Variants in LRRC1 observed in about 807,000 individuals in gnomAD.
The protein encoded by LRRC1 is leucine-rich repeat-containing protein 1.
Under a neutral mutation model 69.9 loss-of-function variants are expected in LRRC1, and 28 were observed. The ratio of observed to expected loss-of-function variants is 0.40; its 90% CI spans 0.30 to 0.55. LRRC1 has a LOEUF of 0.55. Ranked by LOEUF, LRRC1 falls within the 20% of genes least tolerant of loss-of-function variation. LRRC1 has a pLI of 0.47. For missense variants in LRRC1, 498 were observed against 609.0 expected (o/e 0.82, Z 1.92); for synonymous variants, 236 against 240.2 (o/e 0.98, Z 0.16).
intron 2 of LRRC1, among the ~76,000 whole-genome samples, chr6:53,851,698 A>G (rs7739668): frequency 6.6e-6 from 1 of 152,150 alleles, no homozygotes; most frequent in South Asian, 2.1e-4. Flanking sequence ...GTAAACATAG[A>G]TACCACAGAC....
chr6:53,819,347 G>A (rs1184999844), intron 1 of LRRC1, among the ~76,000 whole-genome samples: 1 of 152,110 alleles, frequency 6.6e-6, no homozygotes, highest in African/African-American at 2.4e-5. Flanking sequence ...GAACTAGGAG[G>A]AGGAGGAGGT....
At chr6:53,899,719 C>T (rs757488621) in intron 7 of LRRC1, 28 bp from the exon 8 acceptor site, 16 of 1,609,132 alleles carry the variant, frequency 9.9e-6, no homozygotes, top group South Asian at 3.3e-5. Flanking sequence ...TTTAAGTGTG[C>T]GTTTATTTTT....
chr6:53,895,998 A>T (rs887553138), intron 4 of LRRC1, among the ~76,000 whole-genome samples: 1 of 152,228 alleles, frequency 6.6e-6, no homozygotes, highest in African/African-American at 2.4e-5. Context: ...GATCATAAGT[A>T]GATCAACTTG....
chr6:53,894,079 T>C (rs948599004), intron 4 of LRRC1, among the ~76,000 whole-genome samples: 2 of 152,234 alleles, frequency 1.3e-5, no homozygotes, highest in African/African-American at 4.8e-5. Flanking sequence ...GAGGTGTTTT[T>C]AAAATTTAAA....
chr6:53,815,041 A>G (rs1764911183), intron 1 of LRRC1, among the ~76,000 whole-genome samples: 1 of 149,662 alleles, frequency 6.7e-6, no homozygotes, highest in Non-Finnish European at 1.5e-5. Context: ...AGTCGTTTGG[A>G]CTGATTCTTT....
At chr6:53,869,836 G>A (rs1234085992) in intron 2 of LRRC1, among the ~76,000 whole-genome samples, 2 of 152,230 alleles carry the variant, frequency 1.3e-5, no homozygotes, top group African/African-American at 4.8e-5. Flanking sequence ...GGAATTCAAG[G>A]AAAGTGCCCC....
chr6:53,894,853 G>A lies in LRRC1; in HGVS notation c.447-1645G>A, dbSNP rs547962198. ...CAAGAGAAAGTAGAACTAGAGAACT[G>A]CAACTCCGCACCAAGTTACATTTGA... On this transcript the variant is annotated intron_variant, in intron 4 of 13. Coordinates refer to ENST00000370888, the MANE Select transcript of LRRC1 (RefSeq NM_018214.5). 5.3e-5 allele frequency among the ~76,000 whole-genome samples: 8 copies of A among 152,200 alleles called. No homozygotes were observed. In the South Asian group the frequency reaches 1.0e-3, roughly 20 times the overall value.
chr6:53,891,561 C>A (rs1033861515), intron 4 of LRRC1, among the ~76,000 whole-genome samples: 12 of 151,048 alleles, frequency 7.9e-5, no homozygotes, highest in Non-Finnish European at 1.3e-4. Flanking sequence ...TACATTCACA[C>A]CTAAAGAAAG....
At chr6:53,841,761 T>G (rs1360590858) in intron 1 of LRRC1, among the ~76,000 whole-genome samples, 3 of 152,196 alleles carry the variant, frequency 2.0e-5, no homozygotes, top group Admixed American at 6.5e-5. Flanking sequence ...TTTACATGTC[T>G]TTAGCATTGC....
intron 2 of LRRC1, among the ~76,000 whole-genome samples, chr6:53,862,286 CGTGTGTGTGTGT>C (rs6149589): frequency 1.1e-3 from 165 of 144,312 alleles, no homozygotes; most frequent in East Asian, 7.5e-3. Context: ...TAACCTGAAT[CGTGTGTGTGTGT>C]GTGTGTGTGT....
At chr6:53,852,015 G>A (rs1196439600) in intron 2 of LRRC1, among the ~76,000 whole-genome samples, 1 of 152,176 alleles carries the variant, frequency 6.6e-6, no homozygotes, top group Non-Finnish European at 1.5e-5. Flanking sequence ...AGGAATCCTT[G>A]AAGTACTTCA....
At chr6:53,896,321 A>G (rs1240781858) in intron 4 of LRRC1, among the ~76,000 whole-genome samples, 177 bp from the exon 5 acceptor site, 1 of 152,082 alleles carries the variant, frequency 6.6e-6, no homozygotes, top group African/African-American at 2.4e-5. Flanking sequence ...AGAGGTAGAG[A>G]TGGTATTGTT....
chr6:53,819,046 A>G (rs187868450), intron 1 of LRRC1, among the ~76,000 whole-genome samples: 1 of 152,250 alleles, frequency 6.6e-6, no homozygotes, highest in Non-Finnish European at 1.5e-5. Context: ...AGGCAGTAGC[A>G]TTGACCCATG....
intron 1 of LRRC1, among the ~76,000 whole-genome samples, chr6:53,809,121 T>C (rs1050380009): frequency 6.6e-6 from 1 of 152,256 alleles, no homozygotes; most frequent in African/African-American, 2.4e-5. Flanking sequence ...GCACTCCAAC[T>C]ATAAGTCTGC....
chr6:53,823,733 A>G (rs143287257), intron 1 of LRRC1, among the ~76,000 whole-genome samples: 2 of 152,280 alleles, frequency 1.3e-5, no homozygotes, highest in Non-Finnish European at 2.9e-5. Flanking sequence ...ATAAGTGAGA[A>G]CATGCAATAT....
chr6:53,816,325 A>G (rs1333344391), intron 1 of LRRC1, among the ~76,000 whole-genome samples: 1 of 152,170 alleles, frequency 6.6e-6, no homozygotes, highest in Non-Finnish European at 1.5e-5. Flanking sequence ...GGACTATAAA[A>G]TAGATGTTGG....
intron 2 of LRRC1, among the ~76,000 whole-genome samples, chr6:53,873,759 T>C (rs1766975913): frequency 6.6e-6 from 1 of 152,224 alleles, no homozygotes; most frequent in Non-Finnish European, 1.5e-5. Context: ...TTTTCCAGTA[T>C]GGATGCCCTT....
intron 3 of LRRC1, among the ~76,000 whole-genome samples, chr6:53,882,359 A>C (rs1369035482): frequency 2.0e-5 from 3 of 152,196 alleles, no homozygotes; most frequent in Non-Finnish European, 4.4e-5. Flanking sequence ...AAAAGAAAGG[A>C]AAGTAGCAAT....
chr6:53,870,807 T>TA (rs1391158063), intron 2 of LRRC1, among the ~76,000 whole-genome samples: 4 of 152,194 alleles, frequency 2.6e-5, no homozygotes, highest in African/African-American at 9.6e-5. Flanking sequence ...CTACCCTTCC[T>TA]AGGCTCTCTT....
Sources: gnomAD v4.1 joint callset for allele counts (sites outside exome capture counted in the v4.1 genomes callset) on GRCh38, gnomAD v4.1.1 for gene constraint, MANE v1.5 for transcripts, NCBI Gene and HGNC (gene_info 2026-07-23, HGNC 2026-07-21) for gene names.